Variants in CLIC5 observed in about 807,000 individuals in gnomAD.
The protein encoded by CLIC5 is chloride intracellular channel protein 5.
CLIC5 carries 20 observed loss-of-function variants against 24.7 expected under a neutral mutation model. The observed-to-expected ratio is 0.81, with a 90% CI of 0.57 to 1.18. CLIC5 has a LOEUF of 1.18. Ranked by LOEUF, CLIC5 falls within the 50% of genes most tolerant of loss-of-function variation. CLIC5 has a pLI of 0.00. For missense variants in CLIC5, 341 were observed against 326.1 expected (o/e 1.05, Z -0.35); for synonymous variants, 159 against 135.6 (o/e 1.17, Z -1.20).
chr6:45,939,893 C>G (rs1178776119), intron 4 of CLIC5, among the ~76,000 whole-genome samples: 1 of 151,534 alleles, frequency 6.6e-6, no homozygotes, highest in African/African-American at 2.4e-5. Flanking sequence ...GGACACTACT[C>G]AACACACTAT....
intron 1 of CLIC5, among the ~76,000 whole-genome samples, chr6:45,961,191 G>A (rs1035110976): frequency 1.3e-5 from 2 of 152,212 alleles, no homozygotes; most frequent in South Asian, 4.1e-4. Context: ...AGATAATTAA[G>A]TCACCACTTA....
chr6:46,015,466 G>C lies in CLIC5; in HGVS notation c.63+14C>G. On this transcript the variant is annotated intron_variant, in intron 1 of 5. Coordinates refer to ENST00000339561, the MANE Select transcript of CLIC5 (RefSeq NM_016929.5). ...GGCGCGGCAGGTGCGGCGGGAGACT[G>C]GACCCCGACCTACCTTCACAAAGAG... 1.3e-6 allele frequency: 2 copies of C among 1,514,390 alleles called. No homozygotes were observed. The highest frequency in any genetic ancestry group is 1.8e-6 in the Non-Finnish European group (2 of 1,128,954). 93.8% of individuals were successfully genotyped at this position (1,514,390 alleles called of 1,614,324 possible). A position where few individuals can be genotyped will look rare whatever the true frequency, so the allele number is the denominator to read the frequency against.
chr6:45,977,363 C>CT, intron 1 of CLIC5, among the ~76,000 whole-genome samples: 1 of 152,158 alleles, frequency 6.6e-6, no homozygotes, highest in East Asian at 1.9e-4. Context: ...TGGTATGTGG[C>CT]TTTTTTTGAA....
At chr6:46,120,212 C>T in the CLIC5 span, among the ~76,000 whole-genome samples, 3 of 152,164 alleles carry the variant, frequency 2.0e-5, no homozygotes, top group Admixed American at 6.5e-5. Context: ...CTCACACGGC[C>T]GGGTACTCCT....
At chr6:46,038,703 C>G (rs1562018736) in intron 1 of CLIC5, among the ~76,000 whole-genome samples, 1 of 152,216 alleles carries the variant, frequency 6.6e-6, no homozygotes, top group African/African-American at 2.4e-5. Context: ...CTCTAGCACT[C>G]TCTTTCCCAG....
At chr6:46,039,634 CAG>C (rs1466180601) in intron 1 of CLIC5, among the ~76,000 whole-genome samples, 1 of 151,654 alleles carries the variant, frequency 6.6e-6, no homozygotes, top group African/African-American at 2.4e-5. Context: ...ATAAATAAAA[CAG>C]ATATGTTGGA....
At chr6:45,973,878 C>T (rs1024042833) in intron 1 of CLIC5, among the ~76,000 whole-genome samples, 12 of 149,920 alleles carry the variant, frequency 8.0e-5, no homozygotes, top group South Asian at 4.2e-4. Context: ...TGCAGTGAGC[C>T]GAGATGGCGC....
intron 1 of CLIC5, among the ~76,000 whole-genome samples, chr6:46,001,154 T>C (rs974988563): frequency 2.0e-5 from 3 of 152,270 alleles, no homozygotes; most frequent in Admixed American, 1.3e-4. Context: ...TAGGGTGACC[T>C]TAACTGGGAG....
chr6:45,941,169 C>A (rs548354924), intron 4 of CLIC5, among the ~76,000 whole-genome samples: 7 of 152,252 alleles, frequency 4.6e-5, no homozygotes, highest in Non-Finnish European at 8.8e-5. Flanking sequence ...CAGAAGGAAG[C>A]GGGAATATGT....
chr6:45,956,260 G>A (rs1453352548), intron 1 of CLIC5, among the ~76,000 whole-genome samples: 1 of 152,138 alleles, frequency 6.6e-6, no homozygotes, highest in African/African-American at 2.4e-5. Context: ...TTTCCATAGG[G>A]TGGTTTATTG....
At chr6:46,086,136 G>A in the CLIC5 span, among the ~76,000 whole-genome samples, 1 of 152,058 alleles carries the variant, frequency 6.6e-6, no homozygotes, top group African/African-American at 2.4e-5. Flanking sequence ...GATTTTCCAG[G>A]TGCCATCTGT....
intron 1 of CLIC5, among the ~76,000 whole-genome samples, chr6:45,972,237 A>G (rs1398542078): frequency 6.6e-6 from 1 of 152,234 alleles, no homozygotes; most frequent in African/African-American, 2.4e-5. Context: ...AAAAACAAAG[A>G]TAACTTGAAT....
chr6:46,013,027 G>A (rs796840150), intron 1 of CLIC5, among the ~76,000 whole-genome samples: 5 of 152,100 alleles, frequency 3.3e-5, no homozygotes, highest in African/African-American at 9.7e-5. Context: ...ACTATCAATT[G>A]ACGTGGGAGA....
At chr6:45,960,363 T>A (rs1036005768) in intron 1 of CLIC5, among the ~76,000 whole-genome samples, 3 of 152,238 alleles carry the variant, frequency 2.0e-5, no homozygotes, top group Non-Finnish European at 4.4e-5. Flanking sequence ...CAATGCACCC[T>A]TGAATATATG....
At chr6:45,941,088 T>A (rs1764113279) in intron 4 of CLIC5, among the ~76,000 whole-genome samples, 1 of 152,094 alleles carries the variant, frequency 6.6e-6, no homozygotes, top group South Asian at 2.1e-4. Context: ...CCTTCCACAT[T>A]TGCCACAGTA....
the CLIC5 span, among the ~76,000 whole-genome samples, chr6:46,102,814 T>C: frequency 6.6e-6 from 1 of 152,226 alleles, no homozygotes; most frequent in Non-Finnish European, 1.5e-5. Flanking sequence ...CGTCCCCTGA[T>C]TCCAGAAAGG....
the CLIC5 span, among the ~76,000 whole-genome samples, chr6:46,095,468 C>G: frequency 6.6e-6 from 1 of 152,326 alleles, no homozygotes; most frequent in South Asian, 2.1e-4. Flanking sequence ...GCAGCCAGGT[C>G]ACATCTTGAA....
intron 1 of CLIC5, among the ~76,000 whole-genome samples, chr6:45,995,226 T>C (rs751106115): frequency 1.2e-4 from 18 of 152,166 alleles, no homozygotes; most frequent in Non-Finnish European, 2.2e-4. Flanking sequence ...ATCTATACAA[T>C]CCTAATAATA....
intron 1 of CLIC5, among the ~76,000 whole-genome samples, chr6:46,077,644 C>G (rs183255560): frequency 2.7e-3 from 409 of 152,158 alleles, no homozygotes; most frequent in African/African-American, 9.6e-3. Flanking sequence ...ATTATAACTG[C>G]CGCTCTTTTT....
Sources: allele counts gnomAD v4.1 joint callset (sites outside exome capture counted in the v4.1 genomes callset), GRCh38; gene constraint gnomAD v4.1.1; transcripts MANE v1.5; gene names NCBI Gene and HGNC (gene_info 2026-07-23, HGNC 2026-07-21).